The following GPC5 variants were observed in gnomAD, a reference collection of about 807,000 sequenced individuals.
The protein encoded by GPC5 is glypican 5, also known as glypican-5.
A neutral mutation model predicts 53.9 loss-of-function variants in GPC5; 47 were observed. The observed-to-expected ratio is 0.87, with a 90% CI of 0.69 to 1.11. GPC5 has a LOEUF of 1.11. Among genes scored for constraint, GPC5 ranks in the 50% most tolerant of loss-of-function variants. GPC5 has a pLI of 0.00. For synonymous variants in GPC5, 286 were observed against 263.3 expected, an observed-to-expected ratio of 1.09 and a Z score of -0.84; for missense variants, 748 against 713.1, an observed-to-expected ratio of 1.05 and a Z score of -0.56.
intron 7 of GPC5, among the ~76,000 whole-genome samples, chr13:92,195,298 C>T (rs977519733): frequency 2.0e-5 from 3 of 152,172 alleles, no homozygotes; most frequent in East Asian, 3.9e-4. Context: ...GCCTAATCAG[C>T]GTCTGGTATT....
At chr13:92,329,977 T>C (rs1467904724) in intron 7 of GPC5, among the ~76,000 whole-genome samples, 1 of 151,398 alleles carries the variant, frequency 6.6e-6, no homozygotes, top group East Asian at 1.9e-4. Flanking sequence ...GAAAACACAT[T>C]ATGACTTTTA....
At chr13:92,148,964 T>G (rs2041887931) in intron 7 of GPC5, among the ~76,000 whole-genome samples, 1 of 152,106 alleles carries the variant, frequency 6.6e-6, no homozygotes, top group Non-Finnish European at 1.5e-5. Flanking sequence ...TTTACAATTC[T>G]TATGTGATCT....
At chr13:91,962,027 AAG>A (rs1359494625) in intron 6 of GPC5, among the ~76,000 whole-genome samples, 1 of 152,194 alleles carries the variant, frequency 6.6e-6, no homozygotes, top group African/African-American at 2.4e-5. Context: ...TGATTCATAA[AAG>A]AGATTACCTT....
chr13:91,947,425 CA>C (rs2039983839), intron 6 of GPC5, among the ~76,000 whole-genome samples: 1 of 151,904 alleles, frequency 6.6e-6, no homozygotes, highest in Non-Finnish European at 1.5e-5. Flanking sequence ...TATGTACAAC[CA>C]GTATATTGTT....
intron 5 of GPC5, among the ~76,000 whole-genome samples, chr13:91,824,808 A>G (rs1736519289): frequency 6.6e-6 from 1 of 152,088 alleles, no homozygotes; most frequent in Non-Finnish European, 1.5e-5. Context: ...TCCTTAGTAT[A>G]TTTGAATGAA....
intron 3 of GPC5, among the ~76,000 whole-genome samples, chr13:91,708,920 A>G (rs2036167352): frequency 6.6e-6 from 1 of 152,190 alleles, no homozygotes; most frequent in Non-Finnish European, 1.5e-5. Context: ...TTAACACTAC[A>G]AGGTCCTTCA....
intron 5 of GPC5, among the ~76,000 whole-genome samples, chr13:91,771,036 A>G (rs929761008): frequency 2.0e-5 from 3 of 152,230 alleles, no homozygotes; most frequent in East Asian, 3.9e-4. Context: ...CTACAAACAC[A>G]TAACCACACT....
At chr13:92,246,028 CATT>C (rs1482079992) in intron 7 of GPC5, among the ~76,000 whole-genome samples, 22 of 151,268 alleles carry the variant, frequency 1.5e-4, no homozygotes, top group Non-Finnish European at 3.3e-4. Context: ...AGTAATTCAT[CATT>C]AAAAAAATCA....
chr13:91,671,101 G>T (rs538228027), intron 2 of GPC5, among the ~76,000 whole-genome samples: 3 of 152,168 alleles, frequency 2.0e-5, no homozygotes, highest in Admixed American at 1.3e-4. Context: ...AGTGTATTGG[G>T]CCCCAGTTAG....
chr13:92,408,149 C>T (rs986843325), intron 7 of GPC5, among the ~76,000 whole-genome samples: 2 of 152,146 alleles, frequency 1.3e-5, no homozygotes, highest in Admixed American at 1.3e-4. Context: ...GGAACACAAA[C>T]CCTACTGTGA....
intron 1 of GPC5, among the ~76,000 whole-genome samples, chr13:91,403,252 A>C (rs1010202975): frequency 4.6e-5 from 7 of 152,252 alleles, no homozygotes; most frequent in Non-Finnish European, 8.8e-5. Context: ...ACCACTGGAA[A>C]CAAGATTGTA....
intron 2 of GPC5, among the ~76,000 whole-genome samples, chr13:91,545,099 G>T (rs1448460116): frequency 6.6e-6 from 1 of 152,142 alleles, no homozygotes; most frequent in South Asian, 2.1e-4. Flanking sequence ...CTCCAAAATT[G>T]CACACCATCA....
At chr13:91,854,248 A>G (rs1332028762) in intron 5 of GPC5, among the ~76,000 whole-genome samples, 2 of 151,682 alleles carry the variant, frequency 1.3e-5, no homozygotes, top group Admixed American at 6.6e-5. Flanking sequence ...TTCCTTTTTT[A>G]TTTTCAGTTT....
intron 6 of GPC5, among the ~76,000 whole-genome samples, chr13:91,935,968 G>A (rs1236812162): frequency 6.6e-6 from 1 of 151,926 alleles, no homozygotes; most frequent in Non-Finnish European, 1.5e-5. Flanking sequence ...AATGTACCCA[G>A]GTAGAGAAGT....
At chr13:91,613,775 T>A (rs937047484) in intron 2 of GPC5, among the ~76,000 whole-genome samples, 3 of 152,148 alleles carry the variant, frequency 2.0e-5, no homozygotes, top group African/African-American at 4.8e-5. Context: ...ATAGATGGAA[T>A]TGGAAAAATT....
chr13:91,402,706 A>T (rs1328487629), intron 1 of GPC5, among the ~76,000 whole-genome samples: 1 of 152,078 alleles, frequency 6.6e-6, no homozygotes, highest in Non-Finnish European at 1.5e-5. Context: ...TGTCATTATA[A>T]TTTTTTTGTT....
intron 7 of GPC5, among the ~76,000 whole-genome samples, chr13:92,855,079 C>T (rs1034718449): frequency 3.1e-4 from 47 of 151,848 alleles, no homozygotes; most frequent in Non-Finnish European, 5.6e-4. Flanking sequence ...GCATATTTTG[C>T]TTCTATTTTG....
At chr13:92,139,759 G>A (rs1306727845) in intron 6 of GPC5, among the ~76,000 whole-genome samples, 1 of 151,250 alleles carries the variant, frequency 6.6e-6, no homozygotes, top group East Asian at 1.9e-4. Flanking sequence ...CAGTCAATAA[G>A]TGTAAAACCA....
chr13:92,474,080 C>G (rs373306835), intron 7 of GPC5, among the ~76,000 whole-genome samples: 6 of 151,830 alleles, frequency 4.0e-5, no homozygotes, highest in African/African-American at 1.2e-4. Flanking sequence ...GGTAATTATT[C>G]TAAATAACAG....
Sources: allele counts gnomAD v4.1 joint callset (sites outside exome capture counted in the v4.1 genomes callset), GRCh38; gene constraint gnomAD v4.1.1; transcripts MANE v1.5; gene names NCBI Gene and HGNC (gene_info 2026-07-23, HGNC 2026-07-21).